Variants in YBX3 observed in about 807,000 individuals in gnomAD.
YBX3 encodes the protein Y-box binding protein 3, also known as Y-box-binding protein 3.
YBX3 carries 29 observed loss-of-function variants against 42.4 expected under a neutral mutation model. That is an observed-to-expected ratio of 0.68 (90% CI 0.51 to 0.93). The LOEUF (loss-of-function observed/expected upper bound fraction) is 0.93, where lower values mean the gene tolerates loss of function less well. Among genes scored for constraint, YBX3 ranks in the 40% least tolerant of loss-of-function variants. YBX3 has a pLI of 0.00. For synonymous variants in YBX3, 195 were observed against 189.8 expected (o/e 1.03, Z -0.22); for missense variants, 517 against 527.5 (o/e 0.98, Z 0.19).
intron 3 of YBX3, 64 bp downstream of exon 3, chr12:10,718,024 G>T (rs904705161): frequency 2.1e-6 from 3 of 1,412,700 alleles, no homozygotes; most frequent in Non-Finnish European, 2.0e-6. Context: ...TTTGGGAAAG[G>T]GCTGACAGAA....
chr12:10,715,577 C>T (rs1307156111), intron 4 of YBX3, 117 bp downstream of exon 4: 3 of 947,300 alleles, frequency 3.2e-6, no homozygotes, highest in East Asian at 2.4e-5. Flanking sequence ...AAAGTCACTT[C>T]CTGCTATTGT....
chr12:10,716,143 G>A lies in YBX3; in HGVS notation c.361-360C>T, dbSNP rs367820922. The A allele has an allele frequency of 6.8e-5, 12 of 177,438 alleles. No homozygotes were observed. In the East Asian group the frequency reaches 1.5e-3, roughly 23 times the overall value. 11.0% of individuals were successfully genotyped at this position (177,438 alleles called of 1,614,324 possible). A position where few individuals can be genotyped will look rare whatever the true frequency, so the allele number is the denominator to read the frequency against. ...AGCTTCAGAGATTCTCTGAATCTCC[G>A]GAGGAGGAAAGGAGGCAGTGATAAA... On this transcript the variant is annotated intron_variant, in intron 3 of 9. Transcript: ENST00000228251.
At chr12:10,717,658 G>T (rs1401086977) in intron 3 of YBX3, 1 of 153,140 alleles carries the variant, frequency 6.5e-6, no homozygotes, top group Non-Finnish European at 1.5e-5. Context: ...GCTTCTCTGC[G>T]CTATTTACTT....
intron 4 of YBX3, 115 bp from the exon 5 acceptor site, chr12:10,713,448 G>T: frequency 1.6e-6 from 2 of 1,287,166 alleles, no homozygotes; most frequent in Non-Finnish European, 2.1e-6. Flanking sequence ...AATTCCCACT[G>T]TGATTTTAAA....
At chr12:10,700,872 CTTTAG>C (rs903946834) in intron 9 of YBX3, among the ~76,000 whole-genome samples, 1 of 152,064 alleles carries the variant, frequency 6.6e-6, no homozygotes, top group African/African-American at 2.4e-5. Context: ...AAAAAAAATC[CTTTAG>C]TTTATTCTAC....
chr12:10,708,810 A>C (rs183947737), intron 6 of YBX3, among the ~76,000 whole-genome samples: 5 of 152,288 alleles, frequency 3.3e-5, no homozygotes, highest in African/African-American at 1.2e-4. Context: ...GATATGAAAA[A>C]GAATCATCAT....
intron 2 of YBX3, 42 bp from the exon 3 acceptor site, chr12:10,718,163 T>A (rs761424220): frequency 1.3e-6 from 2 of 1,591,806 alleles, no homozygotes; most frequent in East Asian, 4.5e-5. Context: ...GTAGTACGTA[T>A]GTGGAAAAAC....
At chr12:10,718,067 A>G (rs757041468) in intron 3 of YBX3, 21 bp downstream of exon 3, 4 of 1,599,810 alleles carry the variant, frequency 2.5e-6, no homozygotes, top group Non-Finnish European at 3.4e-6. Context: ...TAGCAAATGT[A>G]GTATTTATAA....
intron 5 of YBX3, chr12:10,710,562 C>A: frequency 1.6e-6 from 2 of 1,212,968 alleles, no homozygotes. Context: ...ATTCTTCCTA[C>A]AAGTCTGTAA....
intron 6 of YBX3, among the ~76,000 whole-genome samples, chr12:10,706,047 G>C (rs1948133296): frequency 6.6e-6 from 1 of 152,154 alleles, no homozygotes; most frequent in African/African-American, 2.4e-5. Flanking sequence ...CTGTTACTAA[G>C]ATATCACGGC....
rs372674880 is a variant in YBX3 at position 10,701,239 on chromosome 12, T to A, written c.*34+15A>T. 5 of 771,916 alleles carry A rather than the reference T, an allele frequency of 6.5e-6. No individual in the cohort carries two copies. Among genetic ancestry groups the A allele is most frequent in the Non-Finnish European group, 1.2e-5 (5 of 416,024 alleles). The allele number at this position is 771,916 out of a possible 1,614,324, so 47.8% of individuals were successfully genotyped here. ...AGAAAATACCAACTCAAGACTGGGCTGCCCCAGCTCTTACCTGCCGATGGT... is the reference window on the plus strand; with the variant it reads ...AGAAAATACCAACTCAAGACTGGGCAGCCCCAGCTCTTACCTGCCGATGGT... On this transcript the variant is annotated intron_variant, in intron 9 of 9. Coordinates refer to ENST00000228251, the MANE Select transcript of YBX3 (RefSeq NM_003651.5).
At position 10,710,493 on chromosome 12, in the gene YBX3, G is replaced by A. The variant is rs537206881; in HGVS notation, c.574-379C>T. 30 of 1,192,378 alleles carry A rather than the reference G, an allele frequency of 2.5e-5. No homozygotes were observed. The African/African-American group carries it at 4.5e-4, about 18-fold the overall frequency. The allele number at this position is 1,192,378 out of a possible 1,614,324, so 73.9% of individuals were successfully genotyped here. A position where few individuals can be genotyped will look rare whatever the true frequency, so the allele number is the denominator to read the frequency against. On this transcript the variant is annotated intron_variant, in intron 5 of 9. Transcript: ENST00000228251. ...TTTACCATCCACTGAGGCAATGTCA[G>A]GGAAAAGCCAAAAAAGAATACATTT...
In YBX3 at chr12:10,713,261, G is replaced by A. The variant is rs755603287; in HGVS notation, c.523C>T (p.Arg175Cys). The A allele has an allele frequency of 7.4e-6, 12 of 1,613,886 alleles. No individual in the cohort carries two copies. Among genetic ancestry groups the A allele is most frequent in the East Asian group, 4.5e-5 (2 of 44,884 alleles). Residue 175 changes from arginine (R) to cysteine (C), a missense_variant, in exon 5 of 10, where the codon CGC (arginine) becomes TGC (cysteine). Physicochemically the swap from Arg to Cys is radical, Grantham distance 180. Coordinates refer to ENST00000228251, the MANE Select transcript of YBX3 (RefSeq NM_003651.5). ...VEGSRYAADR[R>C]RYRRGYYGRR... The stretch of plus-strand genomic sequence containing the variant: ...CCATAGTAGCCACGTCTGTAACGGC[G>A]CCGATCTGCAGCGTAACGACTCCCT...
chr12:10,713,174 T>A (rs1482233520), intron 5 of YBX3, 37 bp downstream of exon 5: 1 of 1,588,826 alleles, frequency 6.3e-7, no homozygotes. Context: ...GCATGAACAA[T>A]TTCTCAATCA....
At chr12:10,708,414 A>C (rs1178320378) in intron 6 of YBX3, among the ~76,000 whole-genome samples, 1 of 152,078 alleles carries the variant, frequency 6.6e-6, no homozygotes, top group African/African-American at 2.4e-5. Context: ...AATTTTTACT[A>C]TCCTAGAGAT....
Position 10,718,080 on chromosome 12 carries a change from C to T in YBX3, c.360+8G>A, listed in dbSNP as rs199689814. The T allele has an allele frequency of 6.5e-5, 104 of 1,609,090 alleles. No homozygotes were observed. Among genetic ancestry groups the T allele is most frequent in the South Asian group, 5.6e-4 (50 of 89,706 alleles). On this transcript the variant is annotated splice_region_variant and intron_variant, in intron 3 of 9. Coordinates refer to ENST00000228251, the MANE Select transcript of YBX3 (RefSeq NM_003651.5). ...CATAGCAAATGTAGTATTTATAATC[C>T]CTCTTACCTGATGTACAAATACATC...
intron 1 of YBX3, among the ~76,000 whole-genome samples, chr12:10,719,941 C>T (rs1455285046): frequency 6.6e-6 from 1 of 152,168 alleles, no homozygotes; most frequent in Non-Finnish European, 1.5e-5. Context: ...AATAAAACTT[C>T]ATGTAACTTG....
intron 9 of YBX3, 63 bp downstream of exon 9, chr12:10,701,191 T>C: frequency 8.0e-6 from 6 of 747,074 alleles, no homozygotes; most frequent in Admixed American, 7.7e-5. Context: ...TGTACTCTTG[T>C]TGAGAAACCA....
At chr12:10,701,025 A>G (rs1948071999) in intron 9 of YBX3, among the ~76,000 whole-genome samples, 1 of 152,174 alleles carries the variant, frequency 6.6e-6, no homozygotes, top group African/African-American at 2.4e-5. Context: ...GAAGTTGAGT[A>G]TCATCAACTC....
Sources: allele counts gnomAD v4.1 joint callset (sites outside exome capture counted in the v4.1 genomes callset), GRCh38; gene constraint gnomAD v4.1.1; transcripts MANE v1.5; gene names NCBI Gene and HGNC (gene_info 2026-07-23, HGNC 2026-07-21).